Variants in RUNX1T1 observed in about 807,000 individuals in gnomAD.
RUNX1T1 encodes protein CBFA2T1.
Under a neutral mutation model 62.8 loss-of-function variants are expected in RUNX1T1, and 4 were observed. The ratio of observed to expected loss-of-function variants is 0.06; its 90% CI spans 0.03 to 0.15. RUNX1T1 has a LOEUF of 0.15. RUNX1T1 is among the 10% of genes least tolerant of loss of function. The pLI, the probability that RUNX1T1 is intolerant of heterozygous loss-of-function variation, is 1.00. For missense variants in RUNX1T1, 508 were observed against 754.3 expected, an observed-to-expected ratio of 0.67 and a Z score of 3.82; for synonymous variants, 291 against 286.0, an observed-to-expected ratio of 1.02 and a Z score of -0.18.
chr8:92,039,877 A>G (rs137881946), intron 1 of RUNX1T1, among the ~76,000 whole-genome samples: 1,728 of 152,114 alleles, frequency 0.011, 7 homozygotes, highest in Non-Finnish European at 0.017. Flanking sequence ...CTTCTTGCTC[A>G]TTGACACTGT....
intron 1 of RUNX1T1, among the ~76,000 whole-genome samples, chr8:92,087,792 C>T (rs1241488691): frequency 6.6e-6 from 1 of 152,186 alleles, no homozygotes; most frequent in Non-Finnish European, 1.5e-5. Flanking sequence ...ACCAAAACAG[C>T]ATGTGACTTT....
intron 1 of RUNX1T1, among the ~76,000 whole-genome samples, chr8:92,046,736 C>G (rs899911797): frequency 2.0e-5 from 3 of 152,114 alleles, no homozygotes; most frequent in Non-Finnish European, 4.4e-5. Context: ...TATCTTATAT[C>G]TAAAATGAGT....
chr8:92,080,237 GC>G (rs1835035651), intron 1 of RUNX1T1, among the ~76,000 whole-genome samples: 3 of 152,180 alleles, frequency 2.0e-5, no homozygotes, highest in African/African-American at 7.2e-5. Flanking sequence ...TGCCACAAAA[GC>G]CCAATTCAAT....
chr8:92,008,384 TCTCTCACACACACACACACA>T (rs1276246145), intron 4 of RUNX1T1, among the ~76,000 whole-genome samples: 1 of 72,984 alleles, frequency 1.4e-5, no homozygotes, highest in African/African-American at 6.4e-5. Context: ...TCTCTCTCTC[TCTCTCACACACACACACACA>T]CACACACACA....
chr8:92,043,705 G>A (rs947060804), intron 1 of RUNX1T1, among the ~76,000 whole-genome samples: 27 of 151,990 alleles, frequency 1.8e-4, no homozygotes, highest in African/African-American at 4.8e-4. Flanking sequence ...AGCCGGGTGC[G>A]GTGGCTCACA....
intron 1 of RUNX1T1, among the ~76,000 whole-genome samples, chr8:92,038,419 A>G (rs151285147): frequency 6.6e-6 from 1 of 152,140 alleles, no homozygotes. Context: ...AAAAGAAACA[A>G]GGAGATGTCA....
exon 10 of RUNX1T1, chr8:91,970,680 T>C (rs770648395): frequency 4.4e-6 from 7 of 1,608,382 alleles, no homozygotes; most frequent in Non-Finnish European, 5.9e-6. Flanking sequence ...CTCCTGCTGA[T>C]TGATAACTGC....
At chr8:92,041,463 G>C (rs976539696) in intron 1 of RUNX1T1, among the ~76,000 whole-genome samples, 29 of 152,182 alleles carry the variant, frequency 1.9e-4, no homozygotes, top group African/African-American at 6.8e-4. Context: ...GGGTATGGCT[G>C]GGCACTGTGG....
intron 5 of RUNX1T1, among the ~76,000 whole-genome samples, chr8:92,002,155 A>T (rs1377396505): frequency 6.6e-6 from 1 of 152,208 alleles, no homozygotes; most frequent in East Asian, 1.9e-4. Flanking sequence ...TTTTCTACTT[A>T]CTTTCCCTAA....
intron 1 of RUNX1T1, among the ~76,000 whole-genome samples, chr8:92,026,758 CT>C (rs1825242377): frequency 6.6e-6 from 1 of 151,624 alleles, no homozygotes; most frequent in African/African-American, 2.4e-5. Context: ...TGAGGTGGAG[CT>C]TGCAGTTAGC....
upstream of RUNX1T1, chr8:92,063,097 G>T: frequency 8.5e-6 from 3 of 352,204 alleles, no homozygotes; most frequent in Non-Finnish European, 1.3e-5. Context: ...ATTGGGAACT[G>T]TATTAAAAAA....
intron 1 of RUNX1T1, among the ~76,000 whole-genome samples, chr8:92,092,132 C>G (rs1430141000): frequency 1.3e-5 from 2 of 152,300 alleles, no homozygotes; most frequent in African/African-American, 2.4e-5. Context: ...CCAAATTTCA[C>G]CAGTCTTCCT....
exon 11 of RUNX1T1, chr8:91,959,408 TTACTTGTGTG>T: frequency 4.7e-6 from 1 of 210,828 alleles, no homozygotes; most frequent in Non-Finnish European, 9.3e-6. Flanking sequence ...GCTGAGTCTC[TTACTTGTGTG>T]TGTGTGTGTG....
chr8:92,070,362 T>C (rs1033325099), intron 2 of RUNX1T1, among the ~76,000 whole-genome samples: 4 of 152,180 alleles, frequency 2.6e-5, no homozygotes, highest in African/African-American at 7.2e-5. Context: ...ATATGTTTTC[T>C]TTTTTCATAT....
intron 6 of RUNX1T1, among the ~76,000 whole-genome samples, chr8:91,988,359 TAA>T (rs1816992343): frequency 6.6e-6 from 1 of 152,100 alleles, no homozygotes; most frequent in Non-Finnish European, 1.5e-5. Flanking sequence ...CACCTATTGG[TAA>T]AAAAGTAAAA....
intron 1 of RUNX1T1, among the ~76,000 whole-genome samples, chr8:92,038,844 G>A (rs1827892679): frequency 6.6e-6 from 1 of 152,212 alleles, no homozygotes; most frequent in South Asian, 2.1e-4. Context: ...TCTGCCTCTA[G>A]GGGCTTCACT....
chr8:92,006,346 A>G (rs1018464412), intron 4 of RUNX1T1: 1 of 152,154 alleles, frequency 6.6e-6, no homozygotes, highest in Non-Finnish European at 1.5e-5. Flanking sequence ...CTCATCCCCA[A>G]TCACACTTAA....
At chr8:92,014,703 G>A in exon 3 of RUNX1T1, 1 of 1,614,070 alleles carries the variant, frequency 6.2e-7, no homozygotes, top group South Asian at 1.1e-5. Flanking sequence ...ACAGGCTGGG[G>A]GCAGCTGTTG....
At chr8:92,087,783 C>T (rs1450135521) in intron 1 of RUNX1T1, among the ~76,000 whole-genome samples, 1 of 152,146 alleles carries the variant, frequency 6.6e-6, no homozygotes, top group Admixed American at 6.5e-5. Flanking sequence ...ACCATGGCTA[C>T]CAAAACAGCA....
Sources: allele counts gnomAD v4.1 joint callset (sites outside exome capture counted in the v4.1 genomes callset), GRCh38; gene constraint gnomAD v4.1.1; transcripts MANE v1.5; gene names NCBI Gene and HGNC (gene_info 2026-07-23, HGNC 2026-07-21).